CHST3: variants seen among roughly 807,000 people sequenced by gnomAD.
CHST3 encodes the protein C6ST-1.
Under a neutral mutation model 35.4 loss-of-function variants are expected in CHST3, and 20 were observed. The observed-to-expected ratio is 0.57, with a 90% CI of 0.40 to 0.82. The LOEUF is 0.82. Ranked by LOEUF, CHST3 falls within the 40% of genes least tolerant of loss-of-function variation. CHST3 has a pLI of 0.00. For synonymous variants in CHST3, 334 were observed against 295.9 expected (o/e 1.13, Z -1.32); for missense variants, 693 against 670.1 (o/e 1.03, Z -0.38).
intron 1 of CHST3, among the ~76,000 whole-genome samples, chr10:71,970,449 C>T (rs1212321317): frequency 6.6e-6 from 1 of 152,174 alleles, no homozygotes; most frequent in Non-Finnish European, 1.5e-5. Flanking sequence ...GAGGCCAGCC[C>T]GGGATGTTCT....
chr10:71,982,604 T>C (rs1839811375), intron 1 of CHST3, among the ~76,000 whole-genome samples: 1 of 151,984 alleles, frequency 6.6e-6, no homozygotes, highest in Non-Finnish European at 1.5e-5. Flanking sequence ...AATAAAAAAA[T>C]TAGCTGAGTG....
chr10:71,973,971 C>A (rs1220026135), intron 1 of CHST3, among the ~76,000 whole-genome samples: 1 of 152,198 alleles, frequency 6.6e-6, no homozygotes, highest in African/African-American at 2.4e-5. Flanking sequence ...GCTGCCTTCA[C>A]GGGAACCCCA....
intron 1 of CHST3, among the ~76,000 whole-genome samples, chr10:71,968,569 C>T (rs1839654949): frequency 6.6e-6 from 1 of 152,172 alleles, no homozygotes; most frequent in Non-Finnish European, 1.5e-5. Context: ...AACTCCAGAA[C>T]CCACCCTGTC....
chr10:71,987,832 G>A (rs1483332497), intron 1 of CHST3, among the ~76,000 whole-genome samples: 3 of 151,958 alleles, frequency 2.0e-5, no homozygotes, highest in Non-Finnish European at 4.4e-5. Context: ...GGATCAGAAA[G>A]CCTCCTTAGA....
intron 1 of CHST3, among the ~76,000 whole-genome samples, chr10:71,994,224 T>C (rs1359270494): frequency 1.3e-5 from 2 of 151,346 alleles, no homozygotes; most frequent in Non-Finnish European, 2.9e-5. Flanking sequence ...ATAATCATGC[T>C]ACTGCATTCC....
At chr10:71,998,380 G>C (rs1050427528) in intron 1 of CHST3, among the ~76,000 whole-genome samples, 1 of 152,210 alleles carries the variant, frequency 6.6e-6, no homozygotes, top group African/African-American at 2.4e-5. Context: ...TGAGCCAGCA[G>C]ACTCCTCCCG....
chr10:71,973,440 G>A (rs760027786), intron 1 of CHST3, among the ~76,000 whole-genome samples: 2 of 152,204 alleles, frequency 1.3e-5, no homozygotes, highest in Admixed American at 6.5e-5. Context: ...TGCAAGTAAC[G>A]AGGCCTGCCG....
intron 1 of CHST3, among the ~76,000 whole-genome samples, chr10:72,004,155 G>A (rs1467037099): frequency 6.6e-6 from 1 of 152,058 alleles, no homozygotes; most frequent in Non-Finnish European, 1.5e-5. Context: ...ACGACAGAGC[G>A]AGACTCCATC....
rs148190157 is a variant in CHST3, at chr10:71,980,551, G to T, written c.-108+15857G>T. 2.7e-3 allele frequency among the ~76,000 whole-genome samples: 404 copies of T among 152,326 alleles called. 1 individual carries two copies. The highest frequency in any genetic ancestry group is 4.6e-3 in the Admixed American group (71 of 15,304). ...TGACCAGCGATTTTCAAACGTTCGT[G>T]TGCATCAGACTCAACTGCAGAGTGT... On this transcript the variant is annotated intron_variant, in intron 1 of 2. Coordinates refer to ENST00000373115, the MANE Select transcript of CHST3 (RefSeq NM_004273.5).
chr10:71,978,771 C>T (rs1839771497), intron 1 of CHST3, among the ~76,000 whole-genome samples: 1 of 152,174 alleles, frequency 6.6e-6, no homozygotes. Flanking sequence ...CCTCTTGTAC[C>T]CAGAGGGGAG....
intron 1 of CHST3, among the ~76,000 whole-genome samples, chr10:71,966,397 A>G (rs114100737): frequency 8.2e-4 from 125 of 152,264 alleles, no homozygotes; most frequent in African/African-American, 2.0e-3. Flanking sequence ...GAGCAGAAAC[A>G]TTCGTGTTCC....
chr10:71,985,175 ATGCT>A, intron 1 of CHST3, among the ~76,000 whole-genome samples: 1 of 152,326 alleles, frequency 6.6e-6, no homozygotes, highest in Non-Finnish European at 1.5e-5. Context: ...CCCCAAGGCC[ATGCT>A]TGGCCGACCC....
chr10:71,972,821 C>T (rs1424622338), intron 1 of CHST3, among the ~76,000 whole-genome samples: 1 of 152,230 alleles, frequency 6.6e-6, no homozygotes, highest in African/African-American at 2.4e-5. Context: ...CCCTTTTCCC[C>T]TTGGCTTGGA....
chr10:71,974,666 C>T (rs1839728212), intron 1 of CHST3, among the ~76,000 whole-genome samples: 1 of 152,188 alleles, frequency 6.6e-6, no homozygotes, highest in Admixed American at 6.5e-5. Flanking sequence ...TTGGGGAAAA[C>T]ATGACATCAC....
chr10:71,990,819 A>G (rs144668833), intron 1 of CHST3, among the ~76,000 whole-genome samples: 388 of 152,368 alleles, frequency 2.5e-3, no homozygotes, highest in African/African-American at 8.9e-3. Context: ...AAGAGTATGC[A>G]TATTTAAAAC....
intron 2 of CHST3, 112 bp from the exon 3 acceptor site, chr10:72,007,060 G>A: frequency 1.6e-6 from 2 of 1,244,284 alleles, no homozygotes; most frequent in Non-Finnish European, 2.3e-6. Flanking sequence ...TCTGCTTTTG[G>A]GGAAACCCAA....
intron 1 of CHST3, among the ~76,000 whole-genome samples, chr10:71,981,911 T>A (rs959671962): frequency 3.3e-5 from 5 of 152,378 alleles, no homozygotes; most frequent in African/African-American, 9.6e-5. Context: ...GGCACTGATA[T>A]TTTTTAAAAG....
intron 1 of CHST3, among the ~76,000 whole-genome samples, chr10:71,974,932 G>A (rs1033860209): frequency 2.0e-5 from 3 of 152,186 alleles, no homozygotes; most frequent in Admixed American, 6.5e-5. Flanking sequence ...GTGGTGATGG[G>A]CATGAAGAGC....
rs1840110310 is a variant in CHST3, at chr10:72,011,529, A to G, written c.*3058A>G. ...GGTGGCCGGGCCTCTTTTTCCAGCG[A>G]GGCCAGCCCTGGCTTCTCCTCTGTT... is the stretch of plus-strand genomic sequence containing the variant. On this transcript the variant is annotated 3_prime_UTR_variant, in exon 3 of 3. Coordinates refer to ENST00000373115, the MANE Select transcript of CHST3 (RefSeq NM_004273.5). The G allele has an allele frequency of 6.6e-6, 1 of 152,206 alleles. No individual in the cohort carries two copies. The highest frequency in any genetic ancestry group is 1.5e-5 in the Non-Finnish European group (1 of 68,060). The allele number at this position is 152,206 out of a possible 1,614,324, so 9.4% of individuals were successfully genotyped here.
Sources: allele counts gnomAD v4.1 joint callset (sites outside exome capture counted in the v4.1 genomes callset), GRCh38; gene constraint gnomAD v4.1.1; transcripts MANE v1.5; gene names NCBI Gene and HGNC (gene_info 2026-07-23, HGNC 2026-07-21).